The following HRH2 variants were observed in gnomAD, a reference collection of about 807,000 sequenced individuals.
HRH2 encodes the protein histamine receptor H2, also known as histamine H2 receptor.
In HRH2, 4 loss-of-function variants were observed where a neutral mutation model predicts 20.1. That is an observed-to-expected ratio of 0.20 (90% CI 0.10 to 0.45). The LOEUF is 0.45. Among genes scored for constraint, HRH2 ranks in the 20% least tolerant of loss-of-function variants. The pLI is 0.99. For synonymous variants in HRH2, 197 were observed against 200.7 expected (o/e 0.98, Z 0.16); for missense variants, 250 against 461.6 (o/e 0.54, Z 4.20).
At chr5:175,670,655 C>T (rs1343556071) in intron 1 of HRH2, among the ~76,000 whole-genome samples, 1 of 152,236 alleles carries the variant, frequency 6.6e-6, no homozygotes, top group African/African-American at 2.4e-5. Context: ...TGCCTGAGAG[C>T]ACCGCCACAG....
chr5:175,700,486 G>C (rs1212869028), intron 2 of HRH2, among the ~76,000 whole-genome samples: 1 of 152,188 alleles, frequency 6.6e-6, no homozygotes, highest in Non-Finnish European at 1.5e-5. Flanking sequence ...CTAACCCAGG[G>C]ACATAAGTGC....
chr5:175,672,625 G>A (rs1445078499), intron 1 of HRH2, among the ~76,000 whole-genome samples: 1 of 152,170 alleles, frequency 6.6e-6, no homozygotes, highest in Non-Finnish European at 1.5e-5. Context: ...ATTTTCAAGT[G>A]CGTTTAGCCA....
intron 2 of HRH2, among the ~76,000 whole-genome samples, chr5:175,704,656 C>G (rs1756888340): frequency 6.6e-6 from 1 of 152,046 alleles, no homozygotes. Context: ...TATTACTATT[C>G]ACAGCTAATA....
At chr5:175,662,890 G>A (rs1042484980) in intron 1 of HRH2, among the ~76,000 whole-genome samples, 2 of 152,144 alleles carry the variant, frequency 1.3e-5, no homozygotes, top group African/African-American at 4.8e-5. Flanking sequence ...CTATAGGTTT[G>A]CCTATTCTGG....
At chr5:175,702,529 G>A (rs1756817186) in intron 2 of HRH2, among the ~76,000 whole-genome samples, 1 of 143,560 alleles carries the variant, frequency 7.0e-6, no homozygotes, top group Admixed American at 6.9e-5. Flanking sequence ...GTAGCTATAA[G>A]CAAAAAGTAT....
At chr5:175,658,808 G>A (rs1447660990) in intron 1 of HRH2, among the ~76,000 whole-genome samples, 1 of 152,186 alleles carries the variant, frequency 6.6e-6, no homozygotes, top group South Asian at 2.1e-4. Flanking sequence ...GGGATGAGCA[G>A]AGCAAGTGGC....
In HRH2 at chr5:175,668,242, C is replaced by T. The variant is rs143961882; in HGVS notation, c.-526+10087C>T. 9.7e-4 allele frequency among the ~76,000 whole-genome samples: 147 copies of T among 152,220 alleles called. 1 individual carries two copies. In the East Asian group the frequency reaches 0.014, roughly 15 times the overall value. ...TGTGGGCTTGTGCATCACACATGTGCGCTATTTATGCTCACGGTGTGTGAA... is the reference window on the plus strand; with the variant it reads ...TGTGGGCTTGTGCATCACACATGTGTGCTATTTATGCTCACGGTGTGTGAA... On this transcript the variant is annotated intron_variant, in intron 1 of 2. Transcript: ENST00000636584.
chr5:175,706,222 A>C (rs1158065875), intron 2 of HRH2, among the ~76,000 whole-genome samples: 2 of 152,232 alleles, frequency 1.3e-5, no homozygotes, highest in Non-Finnish European at 2.9e-5. Context: ...TTCCACTGGT[A>C]TGCTTTTCAA....
At chr5:175,674,449 T>A (rs1250636505) in intron 1 of HRH2, among the ~76,000 whole-genome samples, 1 of 152,138 alleles carries the variant, frequency 6.6e-6, no homozygotes, top group Non-Finnish European at 1.5e-5. Flanking sequence ...GGTCCCCCTC[T>A]CCCTCACTAT....
intron 1 of HRH2, among the ~76,000 whole-genome samples, chr5:175,678,064 T>G (rs11954815): frequency 6.6e-6 from 1 of 152,084 alleles, no homozygotes; most frequent in African/African-American, 2.4e-5. Flanking sequence ...GGGAAGCCTT[T>G]CGTACCTACA....
chr5:175,660,920 T>C (rs1762719661), intron 1 of HRH2, among the ~76,000 whole-genome samples: 1 of 151,962 alleles, frequency 6.6e-6, no homozygotes, highest in Admixed American at 6.5e-5. Context: ...CTCAAAAATA[T>C]TCCAAGACTC....
At chr5:175,679,224 A>T (rs1164709746) in intron 1 of HRH2, among the ~76,000 whole-genome samples, 1 of 152,168 alleles carries the variant, frequency 6.6e-6, no homozygotes, top group East Asian at 1.9e-4. Context: ...ATGGTGAATC[A>T]CCAAGGACTC....
At chr5:175,696,487 C>T (rs1185632383) in intron 2 of HRH2, among the ~76,000 whole-genome samples, 2 of 9,396 alleles carry the variant, frequency 2.1e-4, no homozygotes, top group African/African-American at 3.3e-3. Context: ...TGGGCCAAGA[C>T]TCCCTCACAT....
At chr5:175,703,003 G>T (rs1221814107) in intron 2 of HRH2, among the ~76,000 whole-genome samples, 1 of 152,134 alleles carries the variant, frequency 6.6e-6, no homozygotes, top group Non-Finnish European at 1.5e-5. Context: ...GAACTACAAA[G>T]AGAAATTAAC....
At chr5:175,676,513 T>A (rs1755767318) in intron 1 of HRH2, among the ~76,000 whole-genome samples, 2 of 152,218 alleles carry the variant, frequency 1.3e-5, no homozygotes, top group Admixed American at 1.3e-4. Context: ...GCCCCAGGGC[T>A]CGTCTCCGGC....
chr5:175,695,186 T>C (rs975995826), intron 2 of HRH2, among the ~76,000 whole-genome samples: 1 of 151,930 alleles, frequency 6.6e-6, no homozygotes, highest in African/African-American at 2.4e-5. Context: ...AACAACTACC[T>C]GGTAATTGTG....
intron 1 of HRH2, among the ~76,000 whole-genome samples, chr5:175,661,083 T>C (rs371251266): frequency 1.6e-5 from 2 of 128,818 alleles, no homozygotes; most frequent in East Asian, 5.3e-4. Flanking sequence ...CTGGCTGAAT[T>C]AACTATGTTC....
chr5:175,690,558 CCT>C (rs1038243299), intron 2 of HRH2, among the ~76,000 whole-genome samples: 2 of 151,214 alleles, frequency 1.3e-5, no homozygotes, highest in African/African-American at 4.9e-5. Context: ...TGCCTGCCTG[CCT>C]TTTTCTTTCT....
intron 2 of HRH2, among the ~76,000 whole-genome samples, chr5:175,704,838 A>C (rs1295695931): frequency 6.6e-6 from 1 of 151,914 alleles, no homozygotes; most frequent in African/African-American, 2.4e-5. Flanking sequence ...AAATCTTTCA[A>C]TGATTATATA....
Sources: allele counts gnomAD v4.1 joint callset (sites outside exome capture counted in the v4.1 genomes callset), GRCh38; gene constraint gnomAD v4.1.1; transcripts MANE v1.5; gene names NCBI Gene and HGNC (gene_info 2026-07-23, HGNC 2026-07-21).